The following MARCHF11 variants were observed in gnomAD, a reference collection of about 807,000 sequenced individuals.
The protein encoded by MARCHF11 is E3 ubiquitin-protein ligase MARCHF11.
Under a neutral mutation model 37.3 loss-of-function variants are expected in MARCHF11, and 29 were observed. The ratio of observed to expected loss-of-function variants is 0.78; its 90% CI spans 0.58 to 1.06. The LOEUF (loss-of-function observed/expected upper bound fraction) is 1.06. MARCHF11 is among the 50% of genes least tolerant of loss of function. MARCHF11 has a pLI of 0.00. For missense variants in MARCHF11, 482 were observed against 533.4 expected (o/e 0.90, Z 0.95); for synonymous variants, 233 against 228.0 (o/e 1.02, Z -0.20).
intron 3 of MARCHF11, among the ~76,000 whole-genome samples, chr5:16,078,969 C>T (rs1736562993): frequency 6.6e-6 from 1 of 152,142 alleles, no homozygotes; most frequent in Non-Finnish European, 1.5e-5. Context: ...GGTAAAGCCA[C>T]ACAAAACACA....
At chr5:16,155,977 C>T (rs1290257738) in intron 2 of MARCHF11, among the ~76,000 whole-genome samples, 1 of 151,894 alleles carries the variant, frequency 6.6e-6, no homozygotes, top group Non-Finnish European at 1.5e-5. Flanking sequence ...TCAAACATAC[C>T]TAATAAATGT....
At chr5:16,136,453 G>T (rs931891767) in intron 2 of MARCHF11, among the ~76,000 whole-genome samples, 2 of 152,204 alleles carry the variant, frequency 1.3e-5, no homozygotes, top group South Asian at 2.1e-4. Flanking sequence ...CATGACAGAA[G>T]GCATCCCAGG....
chr5:16,155,161 C>A (rs1472514097), intron 2 of MARCHF11, among the ~76,000 whole-genome samples: 1 of 151,788 alleles, frequency 6.6e-6, no homozygotes, highest in East Asian at 1.9e-4. Context: ...GAGCCATACA[C>A]ACTAACTACT....
chr5:16,167,130 G>T (rs1053104596), intron 2 of MARCHF11, among the ~76,000 whole-genome samples: 19 of 147,582 alleles, frequency 1.3e-4, no homozygotes, highest in South Asian at 2.2e-4. Context: ...TCAAACCATT[G>T]TAAGTTGGGA....
intron 1 of MARCHF11, 99 bp from the exon 2 acceptor site, chr5:16,177,980 T>C: frequency 8.4e-7 from 1 of 1,186,084 alleles, no homozygotes; most frequent in Non-Finnish European, 1.2e-6. Flanking sequence ...TTACTCAGGA[T>C]ACAGCATCAG....
intron 2 of MARCHF11, among the ~76,000 whole-genome samples, chr5:16,150,138 T>A (rs1489071997): frequency 6.7e-6 from 1 of 149,370 alleles, no homozygotes; most frequent in African/African-American, 2.6e-5. Flanking sequence ...GTTATACAGT[T>A]TAGATTTATG....
intron 2 of MARCHF11, among the ~76,000 whole-genome samples, chr5:16,171,171 T>C (rs1328702773): frequency 6.6e-6 from 1 of 152,108 alleles, no homozygotes; most frequent in African/African-American, 2.4e-5. Flanking sequence ...TAGTTACATA[T>C]GTATACATGT....
chr5:16,146,454 T>C (rs1320060677), intron 2 of MARCHF11, among the ~76,000 whole-genome samples: 1 of 152,138 alleles, frequency 6.6e-6, no homozygotes, highest in Non-Finnish European at 1.5e-5. Context: ...TTGAGGATGA[T>C]CTCAACTCAA....
intron 2 of MARCHF11, among the ~76,000 whole-genome samples, chr5:16,097,243 T>A (rs1326914973): frequency 6.6e-6 from 1 of 152,186 alleles, no homozygotes; most frequent in Admixed American, 6.5e-5. Context: ...CAAGTTGACA[T>A]GTAGATAGAA....
intron 2 of MARCHF11, among the ~76,000 whole-genome samples, chr5:16,164,216 C>T (rs1194479301): frequency 6.6e-6 from 1 of 152,000 alleles, no homozygotes; most frequent in Non-Finnish European, 1.5e-5. Context: ...AGATATAACA[C>T]TTAATAAACA....
intron 3 of MARCHF11, among the ~76,000 whole-genome samples, chr5:16,088,687 G>A (rs1215688105): frequency 6.6e-6 from 1 of 152,088 alleles, no homozygotes; most frequent in Non-Finnish European, 1.5e-5. Flanking sequence ...CTCCAAGCCA[G>A]AACAGACTAA....
intron 2 of MARCHF11, among the ~76,000 whole-genome samples, chr5:16,101,789 G>C (rs149604612): frequency 3.3e-4 from 51 of 152,292 alleles, no homozygotes; most frequent in African/African-American, 1.2e-3. Context: ...TTTTGGAGCA[G>C]AATTTTCATT....
chr5:16,090,537 C>T (rs1350187401), intron 3 of MARCHF11, among the ~76,000 whole-genome samples: 3 of 152,102 alleles, frequency 2.0e-5, no homozygotes, highest in African/African-American at 7.2e-5. Context: ...GCCAGGACTT[C>T]CCCAGCTTTG....
intron 3 of MARCHF11, among the ~76,000 whole-genome samples, chr5:16,072,731 T>C (rs1457571973): frequency 2.0e-5 from 3 of 152,068 alleles, no homozygotes; most frequent in Non-Finnish European, 2.9e-5. Context: ...CTGCACTCCT[T>C]TGTGGTTTCA....
intron 2 of MARCHF11, among the ~76,000 whole-genome samples, chr5:16,161,759 T>C (rs1248925140): frequency 6.6e-6 from 1 of 151,982 alleles, no homozygotes. Flanking sequence ...AGCCATTGTG[T>C]GTCTTTCCCA....
chr5:16,089,545 T>G (rs1026417806), intron 3 of MARCHF11, among the ~76,000 whole-genome samples: 3 of 152,042 alleles, frequency 2.0e-5, no homozygotes, highest in Admixed American at 6.5e-5. Context: ...GGCCTGAAAT[T>G]TGATCATTTT....
intron 2 of MARCHF11, among the ~76,000 whole-genome samples, chr5:16,165,715 C>CT (rs1334337865): frequency 3.9e-5 from 6 of 152,088 alleles, no homozygotes; most frequent in Admixed American, 3.9e-4. Flanking sequence ...ATGCTATCAA[C>CT]ATGACTTATC....
chr5:16,172,447 T>A (rs1221685593), intron 2 of MARCHF11, among the ~76,000 whole-genome samples: 1 of 152,152 alleles, frequency 6.6e-6, no homozygotes, highest in Non-Finnish European at 1.5e-5. Context: ...ACGTCTCCCC[T>A]CAGCTTGTCA....
intron 3 of MARCHF11, among the ~76,000 whole-genome samples, chr5:16,088,238 C>T (rs1736731919): frequency 6.6e-6 from 1 of 152,192 alleles, no homozygotes; most frequent in African/African-American, 2.4e-5. Flanking sequence ...TCAACTACCC[C>T]TTCCTGTGCA....
Sources: allele counts gnomAD v4.1 joint callset (sites outside exome capture counted in the v4.1 genomes callset), GRCh38; gene constraint gnomAD v4.1.1; transcripts MANE v1.5; gene names NCBI Gene and HGNC (gene_info 2026-07-23, HGNC 2026-07-21).